The following STXBP5 variants were observed in gnomAD, a reference collection of about 807,000 sequenced individuals.
The protein encoded by STXBP5 is syntaxin binding protein 5, also known as syntaxin-binding protein 5.
In STXBP5, 50 loss-of-function variants were observed where a neutral mutation model predicts 152.4. The ratio of observed to expected loss-of-function variants is 0.33; its 90% CI spans 0.26 to 0.42. STXBP5 has a LOEUF of 0.42. Among genes scored for constraint, STXBP5 ranks in the 10% least tolerant of loss-of-function variants. STXBP5 has a pLI of 1.00. For missense variants in STXBP5, 1,167 were observed against 1,388.6 expected (o/e 0.84, Z 2.54); for synonymous variants, 492 against 494.7 (o/e 0.99, Z 0.07).
At chr6:147,214,877 G>A (rs1480748970) in intron 2 of STXBP5, among the ~76,000 whole-genome samples, 1 of 152,116 alleles carries the variant, frequency 6.6e-6, no homozygotes, top group East Asian at 1.9e-4. Flanking sequence ...CAGTAGGAGT[G>A]TATAAATTAT....
In STXBP5 at chr6:147,232,423, A is replaced by G. The variant is rs939449160; in HGVS notation, c.249-2827A>G. The stretch of plus-strand genomic sequence containing the variant: ...TTCTATGTTAGTATCTCAAGATTAT[A>G]TGTAGGCATTATCAATTCTTTAAAA... On this transcript the variant is annotated intron_variant, in intron 2 of 27. Coordinates refer to ENST00000321680, the MANE Select transcript of STXBP5 (RefSeq NM_001127715.4). Among the ~76,000 whole-genome samples the G allele has an allele frequency of 3.3e-5, 5 of 151,920 alleles. No homozygotes were observed. In the East Asian group the frequency reaches 9.6e-4, roughly 29 times the overall value.
intron 2 of STXBP5, among the ~76,000 whole-genome samples, chr6:147,221,685 A>G (rs1269765091): frequency 6.8e-6 from 1 of 147,190 alleles, no homozygotes; most frequent in Non-Finnish European, 1.5e-5. Flanking sequence ...TTCTTTCAAG[A>G]TTTTTTTTTA....
chr6:147,303,131 A>G (rs1259890373), intron 9 of STXBP5, among the ~76,000 whole-genome samples: 3 of 152,116 alleles, frequency 2.0e-5, no homozygotes, highest in African/African-American at 4.8e-5. Context: ...TGATCAGTAT[A>G]GGATGATTTT....
chr6:147,315,811 C>G (rs1044525214), intron 15 of STXBP5, 76 bp downstream of exon 15: 86 of 1,359,984 alleles, frequency 6.3e-5, no homozygotes, highest in Non-Finnish European at 7.6e-5. Flanking sequence ...ATTTGGAAGA[C>G]TTTTTGCAGT....
intron 21 of STXBP5, among the ~76,000 whole-genome samples, chr6:147,349,612 C>G (rs962121275): frequency 2.0e-5 from 3 of 152,120 alleles, no homozygotes; most frequent in African/African-American, 7.2e-5. Context: ...GATAAGTGTT[C>G]CAGACTGAGA....
At chr6:147,236,539 A>G (rs1778277858) in intron 3 of STXBP5, among the ~76,000 whole-genome samples, 1 of 152,152 alleles carries the variant, frequency 6.6e-6, no homozygotes, top group Non-Finnish European at 1.5e-5. Context: ...AAACAATACT[A>G]TTAACTAGAC....
chr6:147,354,959 T>C (rs1206326972), intron 22 of STXBP5, among the ~76,000 whole-genome samples: 1 of 152,150 alleles, frequency 6.6e-6, no homozygotes, highest in African/African-American at 2.4e-5. Context: ...GGGGAATAAC[T>C]CCAACTATAT....
intron 11 of STXBP5, among the ~76,000 whole-genome samples, chr6:147,312,164 ACT>A (rs1470239452): frequency 6.6e-6 from 1 of 151,546 alleles, no homozygotes; most frequent in Non-Finnish European, 1.5e-5. Flanking sequence ...CTGCCATAAA[ACT>A]CTATATAACT....
chr6:147,251,398 T>G (rs1464526855), intron 4 of STXBP5, among the ~76,000 whole-genome samples: 1 of 152,144 alleles, frequency 6.6e-6, no homozygotes, highest in African/African-American at 2.4e-5. Context: ...TACAGGAGTT[T>G]TTTTTCATAT....
chr6:147,316,563 T>C (rs1361249510), intron 16 of STXBP5, among the ~76,000 whole-genome samples, 156 bp downstream of exon 16: 1 of 152,240 alleles, frequency 6.6e-6, no homozygotes, highest in Non-Finnish European at 1.5e-5. Context: ...CAACTCATTT[T>C]TCTATGACAT....
intron 7 of STXBP5, among the ~76,000 whole-genome samples, chr6:147,269,471 A>G (rs1308899608): frequency 1.3e-5 from 2 of 152,228 alleles, no homozygotes; most frequent in African/African-American, 4.8e-5. Context: ...TAGCATCCAA[A>G]TAGAAATATA....
intron 7 of STXBP5, among the ~76,000 whole-genome samples, chr6:147,271,087 C>T (rs1780141336): frequency 6.6e-6 from 1 of 152,020 alleles, no homozygotes; most frequent in African/African-American, 2.4e-5. Flanking sequence ...CAACAGTGAA[C>T]AAACAGCAAG....
chr6:147,246,258 T>C (rs1270601008), intron 4 of STXBP5, among the ~76,000 whole-genome samples: 1 of 152,170 alleles, frequency 6.6e-6, no homozygotes, highest in African/African-American at 2.4e-5. Context: ...ACAACTCTCT[T>C]CTAGTCTTTT....
intron 2 of STXBP5, among the ~76,000 whole-genome samples, chr6:147,219,990 C>T (rs929761726): frequency 6.6e-6 from 1 of 151,498 alleles, no homozygotes; most frequent in Non-Finnish European, 1.5e-5. Context: ...TTACCTGTTT[C>T]TTCTTTAATA....
intron 21 of STXBP5, among the ~76,000 whole-genome samples, chr6:147,343,525 A>G (rs1330728633): frequency 6.6e-6 from 1 of 152,166 alleles, no homozygotes; most frequent in Non-Finnish European, 1.5e-5. Flanking sequence ...TGACACATCC[A>G]AAGTAATGCC....
intron 25 of STXBP5, among the ~76,000 whole-genome samples, chr6:147,368,170 C>T (rs1304148906): frequency 6.6e-6 from 1 of 151,938 alleles, no homozygotes; most frequent in Non-Finnish European, 1.5e-5. Flanking sequence ...GAAGCATTAA[C>T]CTGATAACAA....
At chr6:147,216,233 A>C (rs1213004345) in intron 2 of STXBP5, among the ~76,000 whole-genome samples, 2 of 152,264 alleles carry the variant, frequency 1.3e-5, no homozygotes, top group East Asian at 3.9e-4. Context: ...CTCTACTAAA[A>C]ATATAAAAAT....
intron 18 of STXBP5, among the ~76,000 whole-genome samples, chr6:147,332,698 T>C (rs527683204): frequency 1.3e-5 from 2 of 152,240 alleles, no homozygotes; most frequent in African/African-American, 4.8e-5. Flanking sequence ...CCAAGTAGGG[T>C]TGGACTTTGA....
intron 21 of STXBP5, among the ~76,000 whole-genome samples, chr6:147,348,494 A>C (rs975257461): frequency 3.9e-5 from 6 of 152,194 alleles, no homozygotes; most frequent in African/African-American, 1.4e-4. Flanking sequence ...AAAATGGACC[A>C]ACTTCTTAAG....
Sources: allele counts gnomAD v4.1 joint callset (sites outside exome capture counted in the v4.1 genomes callset), GRCh38; gene constraint gnomAD v4.1.1; transcripts MANE v1.5; gene names NCBI Gene and HGNC (gene_info 2026-07-23, HGNC 2026-07-21).